Variants in CDH8 observed in about 807,000 individuals in gnomAD.
CDH8 encodes the protein cadherin-8.
In CDH8, 17 loss-of-function variants were observed where a neutral mutation model predicts 68.1. The ratio of observed to expected loss-of-function variants is 0.25; its 90% CI spans 0.17 to 0.37. CDH8 has a LOEUF of 0.37. CDH8 is among the 10% of genes least tolerant of loss of function. The probability of loss-of-function intolerance (pLI) is 1.00; values close to 1 mark genes in which losing one functional copy is unlikely to be tolerated. For missense variants in CDH8, 763 were observed against 999.3 expected (o/e 0.76, Z 3.19); for synonymous variants, 372 against 365.1 (o/e 1.02, Z -0.21).
intron 2 of CDH8, among the ~76,000 whole-genome samples, chr16:61,935,115 T>G (rs1228405160): frequency 2.6e-5 from 4 of 152,206 alleles, no homozygotes; most frequent in Admixed American, 1.3e-4. Context: ...TAGATGACAT[T>G]ATTGATGATA....
intron 10 of CDH8, among the ~76,000 whole-genome samples, chr16:61,711,999 C>T (rs1307094765): frequency 6.6e-6 from 1 of 151,534 alleles, no homozygotes; most frequent in East Asian, 1.9e-4. Flanking sequence ...AAAAAATTTA[C>T]AAAGCAAAAT....
intron 4 of CDH8, among the ~76,000 whole-genome samples, chr16:61,827,112 T>TTA (rs1424183105): frequency 2.0e-5 from 3 of 151,884 alleles, no homozygotes; most frequent in Non-Finnish European, 4.4e-5. Flanking sequence ...AACAACCTCA[T>TTA]TATATTAGCA....
chr16:61,956,711 A>G (rs939908820), intron 2 of CDH8, among the ~76,000 whole-genome samples: 34 of 152,096 alleles, frequency 2.2e-4, no homozygotes, highest in Non-Finnish European at 1.0e-4. Context: ...AAGAATAAAA[A>G]TGAGGTAAAA....
At chr16:61,722,186 G>T (rs1959224911) in intron 9 of CDH8, among the ~76,000 whole-genome samples, 1 of 150,666 alleles carries the variant, frequency 6.6e-6, no homozygotes, top group Non-Finnish European at 1.5e-5. Flanking sequence ...TGAGGTCATT[G>T]TCCATTCAGG....
chr16:61,986,734 G>A (rs767252170), intron 2 of CDH8, among the ~76,000 whole-genome samples: 1 of 152,152 alleles, frequency 6.6e-6, no homozygotes, highest in Non-Finnish European at 1.5e-5. Flanking sequence ...TAATCCTCTA[G>A]CTTAATCATG....
intron 2 of CDH8, among the ~76,000 whole-genome samples, chr16:61,989,921 ATTC>A (rs949050809): frequency 2.6e-5 from 4 of 152,158 alleles, no homozygotes; most frequent in Admixed American, 2.6e-4. Context: ...AAACTTCTGT[ATTC>A]TTCTTCTAAT....
intron 2 of CDH8, among the ~76,000 whole-genome samples, chr16:62,001,666 C>T (rs1430437280): frequency 6.6e-6 from 1 of 151,970 alleles, no homozygotes; most frequent in Non-Finnish European, 1.5e-5. Context: ...TACTTCAAAC[C>T]GGTTTTTTAT....
intron 10 of CDH8, among the ~76,000 whole-genome samples, chr16:61,707,191 A>G (rs969121631): frequency 3.9e-5 from 6 of 152,304 alleles, no homozygotes; most frequent in African/African-American, 1.4e-4. Context: ...CATTGGGTGA[A>G]CAAGTGAGAT....
intron 4 of CDH8, among the ~76,000 whole-genome samples, chr16:61,851,294 T>C (rs2143012789): frequency 6.6e-6 from 1 of 152,132 alleles, no homozygotes; most frequent in Admixed American, 6.6e-5. Context: ...TTTTTACAGG[T>C]TCCACAGAGA....
intron 2 of CDH8, among the ~76,000 whole-genome samples, chr16:61,927,701 C>G (rs776782783): frequency 4.6e-5 from 7 of 152,120 alleles, no homozygotes; most frequent in Non-Finnish European, 1.0e-4. Context: ...ACCTAATGGC[C>G]CAGGCATCGT....
chr16:61,863,346 AC>A (rs1386902790), intron 3 of CDH8, among the ~76,000 whole-genome samples: 2 of 152,070 alleles, frequency 1.3e-5, no homozygotes, highest in East Asian at 1.9e-4. Context: ...AACAGCAAAA[AC>A]TACAGGCAAA....
intron 2 of CDH8, among the ~76,000 whole-genome samples, chr16:61,950,097 G>A (rs898401802): frequency 1.3e-5 from 2 of 152,096 alleles, no homozygotes; most frequent in African/African-American, 4.8e-5. Context: ...AATCAAGACA[G>A]TCAGGGACCT....
In CDH8 at chr16:61,825,188, G is replaced by GA. The variant is rs766233897; in HGVS notation, c.668-10dup. Reference sequence around the variant, plus strand: ...GGCAGTTTTTATAATAGCTGAGGGGGAAAATGGAAGAATGACTTTCAGTCA... The same window carrying GA: ...GGCAGTTTTTATAATAGCTGAGGGGGAAAAATGGAAGAATGACTTTCAGTCA... On this transcript the variant is annotated splice_polypyrimidine_tract_variant and intron_variant, in intron 4 of 11. Coordinates refer to ENST00000577390, the MANE Select transcript of CDH8 (RefSeq NM_001796.5). The GA allele has an allele frequency of 3.8e-6, 6 of 1,594,086 alleles. 1 individual carries two copies. In the South Asian group the frequency reaches 6.8e-5, roughly 18 times the overall value.
chr16:61,736,112 AAAGG>A lies in CDH8; in HGVS notation c.1415-8901_1415-8898del, dbSNP rs763954666. The stretch of plus-strand genomic sequence containing the variant: ...ACAAGAAAGAAGGAAAGAAAGAAAG[AAAGG>A]AAGGAAGGAAGGAAGGAAGGAAGGA... On this transcript the variant is annotated intron_variant, in intron 8 of 11. Transcript: ENST00000577390. Among the ~76,000 whole-genome samples, 526 of 116,512 alleles carry A rather than the reference AAAGG, an allele frequency of 4.5e-3. 4 individuals are homozygous for A. The highest frequency in any genetic ancestry group is 0.025 in the Middle Eastern group (6 of 238). The allele number at this position is 116,512 out of a possible 152,430, so 76.4% of individuals were successfully genotyped here.
intron 7 of CDH8, among the ~76,000 whole-genome samples, chr16:61,796,928 C>A (rs958368313): frequency 6.6e-6 from 1 of 151,954 alleles, no homozygotes; most frequent in Admixed American, 6.6e-5. Context: ...GTCAAAATGG[C>A]CAACTGAATA....
intron 8 of CDH8, among the ~76,000 whole-genome samples, chr16:61,781,988 A>C (rs1290979382): frequency 1.3e-5 from 2 of 152,230 alleles, no homozygotes; most frequent in African/African-American, 4.8e-5. Context: ...GTTTCTATCC[A>C]GAGCCAGAGT....
intron 8 of CDH8, among the ~76,000 whole-genome samples, chr16:61,727,758 C>A (rs1205031751): frequency 1.3e-5 from 2 of 150,938 alleles, no homozygotes; most frequent in Admixed American, 1.3e-4. Context: ...TTAAAATTGA[C>A]CCTGGAATAT....
chr16:61,679,601 C>A (rs1459170378), intron 10 of CDH8, among the ~76,000 whole-genome samples: 2 of 151,948 alleles, frequency 1.3e-5, no homozygotes, highest in Non-Finnish European at 2.9e-5. Context: ...GATTTTATCT[C>A]AAATGATCAA....
intron 7 of CDH8, among the ~76,000 whole-genome samples, chr16:61,803,594 T>C (rs1373892532): frequency 1.3e-5 from 2 of 151,948 alleles, no homozygotes; most frequent in African/African-American, 2.4e-5. Context: ...GAGACACACA[T>C]AGGTTCAAAA....
Sources: allele counts gnomAD v4.1 joint callset (sites outside exome capture counted in the v4.1 genomes callset), GRCh38; gene constraint gnomAD v4.1.1; transcripts MANE v1.5; gene names NCBI Gene and HGNC (gene_info 2026-07-23, HGNC 2026-07-21).